The following MDGA2 variants were observed in gnomAD, a reference collection of about 807,000 sequenced individuals.
The protein encoded by MDGA2 is MAM domain-containing glycosylphosphatidylinositol anchor protein 2.
In MDGA2, 40 loss-of-function variants were observed where a neutral mutation model predicts 117.8. The observed-to-expected ratio is 0.34, with a 90% CI of 0.26 to 0.44. The LOEUF (loss-of-function observed/expected upper bound fraction) is 0.44, where lower values mean the gene tolerates loss of function less well. MDGA2 is among the 20% of genes least tolerant of loss of function. The pLI, the probability that MDGA2 is intolerant of heterozygous loss-of-function variation, is 1.00. For synonymous variants in MDGA2, 452 were observed against 439.0 expected, an observed-to-expected ratio of 1.03 and a Z score of -0.37; for missense variants, 1,123 against 1,250.6, an observed-to-expected ratio of 0.90 and a Z score of 1.54.
chr14:47,084,288 T>C (rs1013508306), intron 6 of MDGA2, among the ~76,000 whole-genome samples: 5 of 152,012 alleles, frequency 3.3e-5, no homozygotes, highest in African/African-American at 9.7e-5. Flanking sequence ...AACACTCTTC[T>C]AAATAATCTA....
chr14:47,161,473 A>G (rs1024105894), intron 3 of MDGA2, among the ~76,000 whole-genome samples: 6 of 152,012 alleles, frequency 3.9e-5, no homozygotes, highest in African/African-American at 1.4e-4. Context: ...AACTTATGCC[A>G]TACAAATATT....
intron 6 of MDGA2, among the ~76,000 whole-genome samples, chr14:47,081,797 C>T (rs1190565685): frequency 6.6e-6 from 1 of 152,036 alleles, no homozygotes; most frequent in Non-Finnish European, 1.5e-5. Context: ...ATTTATTGCT[C>T]AATTTAAATT....
At chr14:47,071,915 A>T (rs1432511199) in intron 6 of MDGA2, among the ~76,000 whole-genome samples, 2 of 152,158 alleles carry the variant, frequency 1.3e-5, no homozygotes, top group Non-Finnish European at 2.9e-5. Flanking sequence ...GTCAATCTAT[A>T]CCTCAAGGTG....
intron 2 of MDGA2, among the ~76,000 whole-genome samples, chr14:47,289,912 T>G (rs1305017097): frequency 6.6e-6 from 1 of 152,144 alleles, no homozygotes; most frequent in East Asian, 1.9e-4. Context: ...ATCCATTTTC[T>G]GAGCTCCCAC....
rs571423429 is a variant in MDGA2, at chr14:47,182,133, T to C, written c.595+35888A>G. On this transcript the variant is annotated intron_variant, in intron 3 of 16. Transcript: ENST00000399232. ...AGGCACCCTTAATATTTGATTCTTC[T>C]ATATATCTATGATATCAGGATAATT... 2.0e-5 allele frequency among the ~76,000 whole-genome samples: 3 copies of C among 152,286 alleles called. No individual in the cohort carries two copies. In the South Asian group the frequency reaches 6.2e-4, roughly 32 times the overall value.
At chr14:47,375,843 A>G (rs989936361) in intron 1 of MDGA2, among the ~76,000 whole-genome samples, 1 of 152,154 alleles carries the variant, frequency 6.6e-6, no homozygotes, top group Non-Finnish European at 1.5e-5. Context: ...TGTGTACAAC[A>G]TAAGTAAAGT....
At chr14:47,633,952 T>C (rs1897280841) in intron 1 of MDGA2, among the ~76,000 whole-genome samples, 3 of 152,052 alleles carry the variant, frequency 2.0e-5, no homozygotes, top group Non-Finnish European at 4.4e-5. Flanking sequence ...ACTATAAAGG[T>C]GAAAGGTTTG....
At chr14:47,569,342 G>A (rs1895976721) in intron 1 of MDGA2, among the ~76,000 whole-genome samples, 1 of 152,120 alleles carries the variant, frequency 6.6e-6, no homozygotes, top group Non-Finnish European at 1.5e-5. Context: ...CTGCCTCCAG[G>A]GGATGGATCT....
At chr14:46,982,705 C>CAAAAAAAAAAAAAAAAAA (rs59530070) in intron 8 of MDGA2, among the ~76,000 whole-genome samples, 5 of 45,936 alleles carry the variant, frequency 1.1e-4, no homozygotes, top group African/African-American at 4.7e-4. Context: ...GAGACTCCAT[C>CAAAAAAAAAAAAAAAAAA]AAAAAAAAAA....
rs758916291 is a variant in MDGA2, at chr14:47,061,239, T to C, written c.1525+10A>G. Reference sequence around the variant, plus strand: ...GAACATCTTTTACATCATAAATATATGCCTCTTACCTGTGCTGCTGGATAT... The same window carrying C: ...GAACATCTTTTACATCATAAATATACGCCTCTTACCTGTGCTGCTGGATAT... On this transcript the variant is annotated intron_variant, in intron 7 of 16. Coordinates refer to ENST00000399232, the MANE Select transcript of MDGA2 (RefSeq NM_001113498.3). 1.2e-5 allele frequency: 19 copies of C among 1,597,086 alleles called. No homozygotes were observed. Among genetic ancestry groups the C allele is most frequent in the South Asian group, 2.2e-5 (2 of 90,190 alleles).
chr14:47,363,621 T>A (rs1392045923), intron 1 of MDGA2, among the ~76,000 whole-genome samples: 3 of 152,108 alleles, frequency 2.0e-5, no homozygotes, highest in Non-Finnish European at 4.4e-5. Flanking sequence ...GCTCATTGAA[T>A]TATAATAAAA....
At chr14:46,864,603 CA>C (rs61055938) in intron 14 of MDGA2, among the ~76,000 whole-genome samples, 18,271 of 73,212 alleles carry the variant, frequency 0.25, 2,209 homozygotes, top group Non-Finnish European at 0.3. Flanking sequence ...AACCCTGTGT[CA>C]AAAAAAAAAA....
In MDGA2 at chr14:46,936,138, T is replaced by C. The variant is rs552500435; in HGVS notation, c.2090-15978A>G. Among the ~76,000 whole-genome samples the C allele has an allele frequency of 8.5e-5, 13 of 152,296 alleles. No homozygotes were observed. In the South Asian group the frequency reaches 2.7e-3, roughly 32 times the overall value. ...TGGTCCACAAAGACAAAGGTGCCTA[T>C]GGTTAAAAGTCATAATTTGTCCCTG... On this transcript the variant is annotated intron_variant, in intron 9 of 16. Coordinates refer to ENST00000399232, the MANE Select transcript of MDGA2 (RefSeq NM_001113498.3).
chr14:46,990,815 T>A (rs1887058240), intron 8 of MDGA2, among the ~76,000 whole-genome samples: 1 of 151,642 alleles, frequency 6.6e-6, no homozygotes, highest in Admixed American at 6.6e-5. Context: ...GGTATAAACA[T>A]CAAGCTTCTA....
intron 1 of MDGA2, among the ~76,000 whole-genome samples, chr14:47,347,834 C>T (rs1219704465): frequency 2.0e-5 from 3 of 152,044 alleles, no homozygotes; most frequent in Non-Finnish European, 2.9e-5. Context: ...AAATGACTGA[C>T]ATGAAATGAC....
At chr14:47,417,448 T>G (rs923335109) in intron 1 of MDGA2, among the ~76,000 whole-genome samples, 5 of 152,164 alleles carry the variant, frequency 3.3e-5, no homozygotes, top group African/African-American at 1.2e-4. Flanking sequence ...TAACAATAGC[T>G]TTTACCATCT....
intron 8 of MDGA2, among the ~76,000 whole-genome samples, chr14:46,969,945 T>C (rs1311587269): frequency 4.6e-4 from 10 of 21,700 alleles, no homozygotes; most frequent in East Asian, 1.1e-3. Context: ...TATATATATA[T>C]ATATATATAT....
intron 6 of MDGA2, among the ~76,000 whole-genome samples, chr14:47,095,796 A>G (rs1239447974): frequency 2.0e-5 from 3 of 152,010 alleles, no homozygotes; most frequent in Non-Finnish European, 4.4e-5. Flanking sequence ...ACAGATAACT[A>G]AAACCACCAC....
intron 1 of MDGA2, among the ~76,000 whole-genome samples, chr14:47,632,019 C>A (rs757422315): frequency 6.6e-6 from 1 of 151,856 alleles, no homozygotes. Flanking sequence ...CAATGTGTCC[C>A]AGGTGTGCCA....
Sources: allele counts gnomAD v4.1 joint callset (sites outside exome capture counted in the v4.1 genomes callset), GRCh38; gene constraint gnomAD v4.1.1; transcripts MANE v1.5; gene names NCBI Gene and HGNC (gene_info 2026-07-23, HGNC 2026-07-21).